Variants in SNX29 observed in about 807,000 individuals in gnomAD.
The protein encoded by SNX29 is sorting nexin-29.
In SNX29, 78 loss-of-function variants were observed where a neutral mutation model predicts 102.1. That is an observed-to-expected ratio of 0.76 (90% confidence interval 0.64 to 0.92). SNX29 has a LOEUF of 0.92. Ranked by LOEUF, SNX29 falls within the 40% of genes least tolerant of loss-of-function variation. The pLI, the probability that SNX29 is intolerant of heterozygous loss-of-function variation, is 0.00. For synonymous variants in SNX29, 580 were observed against 414.5 expected, an observed-to-expected ratio of 1.40 and a Z score of -4.85; for missense variants, 1,280 against 1,061.7, an observed-to-expected ratio of 1.21 and a Z score of -2.86.
chr16:12,221,149 C>G (rs752957756), intron 14 of SNX29, among the ~76,000 whole-genome samples: 1 of 151,194 alleles, frequency 6.6e-6, no homozygotes, highest in African/African-American at 2.4e-5. Context: ...GCATTTTCTG[C>G]GAGGCACACG....
At chr16:12,116,456 T>A (rs575909201) in intron 11 of SNX29, among the ~76,000 whole-genome samples, 10 of 152,300 alleles carry the variant, frequency 6.6e-5, no homozygotes, top group Non-Finnish European at 2.9e-5. Flanking sequence ...GTGGATCACT[T>A]GAGGTCAGGA....
At chr16:12,258,093 C>T (rs796319761) in intron 14 of SNX29, among the ~76,000 whole-genome samples, 3 of 152,342 alleles carry the variant, frequency 2.0e-5, no homozygotes, top group African/African-American at 7.2e-5. Flanking sequence ...CTGCTCTTCA[C>T]ACAGCAGCCA....
chr16:12,076,203 A>G (rs59545549), intron 10 of SNX29, among the ~76,000 whole-genome samples: 33,159 of 151,982 alleles, frequency 0.22, 4,068 homozygotes, highest in African/African-American at 0.34. Flanking sequence ...AGATGAACCC[A>G]GTGCCTCAGA....
In SNX29 at chr16:12,308,891, GA is replaced by G. The variant is rs137984444; in HGVS notation, c.1782+30856del. Among the ~76,000 whole-genome samples the G allele has an allele frequency of 6.7e-3, 1,022 of 152,306 alleles. 11 individuals are homozygous for G. The highest frequency in any genetic ancestry group is 0.022 in the African/African-American group (935 of 41,560). Reference sequence around the variant, plus strand: ...TCCGTTATATCGAAAAGTGCTAGAAGACTCTTAAGCCTGTTGCATGTAGGAA... The same window carrying G: ...TCCGTTATATCGAAAAGTGCTAGAAGCTCTTAAGCCTGTTGCATGTAGGAA... On this transcript the variant is annotated intron_variant, in intron 15 of 20. Coordinates refer to ENST00000566228, the MANE Select transcript of SNX29 (RefSeq NM_032167.5).
At chr16:12,465,875 C>G (rs2087028081) in intron 18 of SNX29, among the ~76,000 whole-genome samples, 1 of 151,100 alleles carries the variant, frequency 6.6e-6, no homozygotes, top group Non-Finnish European at 1.5e-5. Context: ...ATGTCTGATA[C>G]TTTTAAGCAT....
intron 12 of SNX29, among the ~76,000 whole-genome samples, chr16:12,127,716 C>A (rs2054279289): frequency 6.6e-6 from 1 of 152,200 alleles, no homozygotes; most frequent in Non-Finnish European, 1.5e-5. Context: ...GCCACTGTGC[C>A]TGGCCTCTAG....
At chr16:12,438,427 T>C (rs544851619) in intron 18 of SNX29, among the ~76,000 whole-genome samples, 88 of 152,170 alleles carry the variant, frequency 5.8e-4, no homozygotes, top group African/African-American at 2.0e-3. Flanking sequence ...CTTCTTCATT[T>C]ACCCGCTCAC....
chr16:12,214,816 C>T (rs1471792813), intron 14 of SNX29, among the ~76,000 whole-genome samples: 4 of 152,288 alleles, frequency 2.6e-5, no homozygotes, highest in East Asian at 1.9e-4. Context: ...CCATGATTTC[C>T]CTGCCATCAT....
chr16:12,336,671 A>G (rs1567451921), intron 15 of SNX29, among the ~76,000 whole-genome samples: 1 of 152,198 alleles, frequency 6.6e-6, no homozygotes, highest in African/African-American at 2.4e-5. Flanking sequence ...TTGGCTGAGT[A>G]CAGTAGCTCA....
At chr16:12,540,514 G>A (rs2077283584) in intron 20 of SNX29, among the ~76,000 whole-genome samples, 2 of 152,212 alleles carry the variant, frequency 1.3e-5, no homozygotes, top group South Asian at 2.1e-4. Flanking sequence ...TCGAGGTTGT[G>A]GGGCAGAATT....
intron 20 of SNX29, among the ~76,000 whole-genome samples, chr16:12,543,185 AG>A (rs913370550): frequency 1.3e-4 from 20 of 152,208 alleles, no homozygotes; most frequent in African/African-American, 4.6e-4. Flanking sequence ...TAGAAGTCCT[AG>A]GAAAAATCAT....
chr16:12,178,541 G>C (rs148668232), intron 13 of SNX29, among the ~76,000 whole-genome samples: 1 of 152,170 alleles, frequency 6.6e-6, no homozygotes, highest in Non-Finnish European at 1.5e-5. Flanking sequence ...TGAATGTTCC[G>C]TCATGGTCCT....
At chr16:12,364,416 C>CTTCTTTTTTTTTTTTTTTTTTTTTTTTTT (rs1555520124) in intron 16 of SNX29, among the ~76,000 whole-genome samples, 1 of 98,776 alleles carries the variant, frequency 1.0e-5, no homozygotes, top group African/African-American at 3.3e-5. Flanking sequence ...CTCTCTTCTT[C>CTTCTTTTTTTTTTTTTTTTTTTTTTTTTT]TTTTTTTTTT....
intron 14 of SNX29, among the ~76,000 whole-genome samples, chr16:12,227,327 A>T (rs922549454): frequency 1.3e-5 from 2 of 151,992 alleles, no homozygotes; most frequent in Non-Finnish European, 2.9e-5. Context: ...CCTTCCCCCA[A>T]CCCAAATGAT....
chr16:12,025,740 G>A (rs1406227586), intron 3 of SNX29, among the ~76,000 whole-genome samples: 1 of 152,226 alleles, frequency 6.6e-6, no homozygotes, highest in Non-Finnish European at 1.5e-5. Context: ...TGTGTTAGGG[G>A]TGTGTAGTGT....
At chr16:12,075,677 A>G (rs2151324848) in intron 10 of SNX29, among the ~76,000 whole-genome samples, 1 of 152,310 alleles carries the variant, frequency 6.6e-6, no homozygotes, top group Middle Eastern at 3.4e-3. Context: ...TGCTGGGAGA[A>G]CTACTGCTCT....
intron 14 of SNX29, among the ~76,000 whole-genome samples, chr16:12,275,194 C>T (rs896682221): frequency 3.9e-5 from 6 of 152,150 alleles, no homozygotes; most frequent in African/African-American, 1.4e-4. Flanking sequence ...GAGAACTACC[C>T]CTGGTCTCCA....
At chr16:12,527,445 G>C (rs2076817235) in intron 20 of SNX29, 1 of 428,888 alleles carries the variant, frequency 2.3e-6, no homozygotes, top group East Asian at 4.1e-5. Flanking sequence ...TTTTCTCCTT[G>C]GTTCTTTCAA....
intron 10 of SNX29, among the ~76,000 whole-genome samples, chr16:12,077,843 A>G (rs1032143179): frequency 2.0e-5 from 3 of 151,500 alleles, no homozygotes; most frequent in African/African-American, 7.3e-5. Context: ...CTGGTCTCGA[A>G]CTCCTGACCT....
Sources: gnomAD v4.1 joint callset for allele counts (sites outside exome capture counted in the v4.1 genomes callset) on GRCh38, gnomAD v4.1.1 for gene constraint, MANE v1.5 for transcripts, NCBI Gene and HGNC (gene_info 2026-07-23, HGNC 2026-07-21) for gene names.